Variants in ZFP62 observed in about 807,000 individuals in gnomAD.
The protein encoded by ZFP62 is zinc finger protein 62 homolog.
A neutral mutation model predicts 56.4 loss-of-function variants in ZFP62; 44 were observed. The observed-to-expected ratio is 0.78, with a 90% confidence interval of 0.61 to 1.00. The LOEUF (loss-of-function observed/expected upper bound fraction) is 1.00, where lower values mean the gene tolerates loss of function less well. ZFP62 is among the 50% of genes least tolerant of loss of function. The pLI is 0.00. For synonymous variants in ZFP62, 421 were observed against 388.9 expected, an observed-to-expected ratio of 1.08 and a Z score of -0.97; for missense variants, 1,030 against 1,085.7, an observed-to-expected ratio of 0.95 and a Z score of 0.72.
rs998344359 is a variant in ZFP62 at position 180,850,799 on chromosome 5, T to C, written c.696A>G (p.Lys232=). The change falls in exon 2 of 2, where the codon AAA becomes AAG. Residue 232 remains lysine (K), a synonymous_variant. Transcript: ENST00000502412. ...CCAGAACAGAGCTATAATTGAAGGA[T>C]TTTCCACATTCATCACATTTACAGT... is the stretch of plus-strand genomic sequence containing the variant. ...EKNCKCDECG[K]SFNYSSVLDQ... is the part of the protein sequence containing the mutation. 4.6e-5 allele frequency: 72 copies of C among 1,580,060 alleles called. No homozygotes were observed. The Middle Eastern group carries it at 5.0e-4, about 11-fold the overall frequency.
At position 180,852,092 on chromosome 5, in the gene ZFP62, T is replaced by C. The variant is rs570095660; in HGVS notation, c.2-599A>G. The C allele has an allele frequency of 5.3e-5, 48 of 901,790 alleles. No homozygotes were observed. The African/African-American group carries it at 8.3e-4, about 16-fold the overall frequency. 55.9% of individuals were successfully genotyped at this position (901,790 alleles called of 1,614,324 possible). ...ATTAAAATATATTATTAAACGTCTA[T>C]AATTAAAATAGTATGGTCCTGGTAC... On this transcript the variant is annotated intron_variant, in intron 1 of 1. Transcript: ENST00000502412.
chr5:180,850,720 C>T lies in ZFP62; in HGVS notation c.775G>A (p.Gly259Arg), dbSNP rs1198082658. Residue 259 changes from glycine (G) to arginine (R), a missense_variant, in exon 2 of 2, where the codon GGG (glycine) becomes AGG (arginine). Coordinates refer to ENST00000502412, the MANE Select transcript of ZFP62 (RefSeq NM_001172638.2). ...GEKPYECGEC[G>R]KAFRNSSGLR... The stretch of plus-strand genomic sequence containing the variant: ...CCAGAGCTGTTCCTGAAGGCCTTCC[C>T]ACACTCACCACATTCATAGGGCTTC... 1 of 1,606,818 alleles carries T rather than the reference C, an allele frequency of 6.2e-7. No homozygotes were observed. Among genetic ancestry groups the T allele is most frequent in the Admixed American group, 1.7e-5 (1 of 58,630 alleles).
At chr5:180,852,132 G>T in intron 1 of ZFP62, 3 of 549,508 alleles carry the variant, frequency 5.5e-6, no homozygotes, top group Non-Finnish European at 6.9e-6. Flanking sequence ...ACAGGCAAAT[G>T]GAATAGAACA....
chr5:180,851,185 G>A lies in ZFP62; in HGVS notation c.310C>T (p.Gln104Ter). 6.4e-7 allele frequency: 1 copy of A among 1,551,672 alleles called. No individual in the cohort carries two copies. The highest frequency in any genetic ancestry group is 8.7e-7 in the Non-Finnish European group (1 of 1,146,984). The change falls in exon 2 of 2, where the codon CAG becomes TAG. Residue 104 changes from glutamine (Q) to a stop codon, truncating the protein, a stop_gained. Transcript: ENST00000502412. LOFTEE classifies it high-confidence loss of function. ...LHLSPQHITH[Q>*]TMPIGQRGSE... ...CCTCTCTGTCCTATAGGCATAGTCT[G>A]GTGTGTGATATGCTGTGGGCTCAGA...
In ZFP62 at chr5:180,847,746, G is replaced by C. The variant is rs963723140; in HGVS notation, c.*1046C>G. 2.0e-6 allele frequency: 2 copies of C among 985,316 alleles called. No individual in the cohort carries two copies. The highest frequency in any genetic ancestry group is 3.5e-5 in the African/African-American group (2 of 57,246). The allele number at this position is 985,316 out of a possible 1,614,324, so 61.0% of individuals were successfully genotyped here. On this transcript the variant is annotated 3_prime_UTR_variant, in exon 2 of 2. Coordinates refer to ENST00000502412, the MANE Select transcript of ZFP62 (RefSeq NM_001172638.2). ...ACAACAGACAACATATACATGTCCTGCATGACATCTTTACAATAACACATT... is the reference window on the plus strand; with the variant it reads ...ACAACAGACAACATATACATGTCCTCCATGACATCTTTACAATAACACATT...
At chr5:180,842,029 A>C in the ZFP62 span, among the ~76,000 whole-genome samples, 3 of 152,370 alleles carry the variant, frequency 2.0e-5, no homozygotes, top group East Asian at 5.8e-4. Flanking sequence ...CTTGGGCGAC[A>C]GAGTGATACT....
downstream of ZFP62, among the ~76,000 whole-genome samples, chr5:180,845,023 T>C (rs975900609): frequency 2.6e-5 from 4 of 152,128 alleles, no homozygotes; most frequent in African/African-American, 9.7e-5. Context: ...CTATTATCTT[T>C]ACAAAAGACA....
At chr5:180,837,298 A>G in the ZFP62 span, among the ~76,000 whole-genome samples, 1 of 152,178 alleles carries the variant, frequency 6.6e-6, no homozygotes, top group African/African-American at 2.4e-5. Context: ...TGGCTTATTC[A>G]CTGCGTGTGA....
chr5:180,841,903 T>G, the ZFP62 span, among the ~76,000 whole-genome samples: 1 of 151,988 alleles, frequency 6.6e-6, no homozygotes, highest in Non-Finnish European at 1.5e-5. Context: ...AATACAAAAA[T>G]TAGCCAGGCA....
intron 1 of ZFP62, among the ~76,000 whole-genome samples, chr5:180,854,687 A>G (rs1773881561): frequency 6.6e-6 from 1 of 152,198 alleles, no homozygotes; most frequent in South Asian, 2.1e-4. Context: ...TAGTAGGGAG[A>G]AGGACACATC....
the ZFP62 span, among the ~76,000 whole-genome samples, chr5:180,839,331 T>C: frequency 2.0e-5 from 3 of 152,326 alleles, no homozygotes; most frequent in Admixed American, 6.5e-5. Flanking sequence ...TGACAGCCTG[T>C]TTGTATGAAT....
the ZFP62 span, chr5:180,832,642 C>G: frequency 6.6e-6 from 1 of 152,170 alleles, no homozygotes; most frequent in South Asian, 2.1e-4. Context: ...CACTTTCTAT[C>G]TTGTGCACTG....
chr5:180,850,294 C>T lies in ZFP62; in HGVS notation c.1201G>A (p.Ala401Thr). ...KPYKCDVCGK[A>T]FSYSSGLAVH... is the part of the protein sequence containing the mutation. ...GCGAGGCCTGAGCTATAGCTGAATG[C>T]TTTGCCACAGACATCACACTTGTAA... The change falls in exon 2 of 2, where the codon GCA becomes ACA. Residue 401 changes from alanine to threonine, a missense_variant. By Grantham distance (58) the Ala-to-Thr change is moderately conservative. Transcript: ENST00000502412. The T allele has an allele frequency of 6.4e-7, 1 of 1,562,112 alleles. No homozygotes were observed. The highest frequency in any genetic ancestry group is 8.7e-7 in the Non-Finnish European group (1 of 1,153,246).
the ZFP62 span, among the ~76,000 whole-genome samples, chr5:180,827,379 G>A: frequency 1.3e-5 from 2 of 152,208 alleles, no homozygotes; most frequent in Admixed American, 1.3e-4. Flanking sequence ...TTGAGATTCT[G>A]TTAATCTGTG....
intron 1 of ZFP62, among the ~76,000 whole-genome samples, chr5:180,855,273 A>C (rs144057417): frequency 0.016 from 2,380 of 152,298 alleles, 79 homozygotes; most frequent in East Asian, 0.14. Context: ...TTACCAAACA[A>C]AAAGTTTTTA....
the ZFP62 span, among the ~76,000 whole-genome samples, chr5:180,836,209 TAA>T: frequency 6.6e-6 from 1 of 152,254 alleles, no homozygotes; most frequent in Admixed American, 6.5e-5. Context: ...GTATCCACGT[TAA>T]GTGACCCATG....
At position 180,847,772 on chromosome 5, in the gene ZFP62, C is replaced by G. The variant is rs1773464059; in HGVS notation, c.*1020G>C. 2 of 985,308 alleles carry G rather than the reference C, an allele frequency of 2.0e-6. No individual in the cohort carries two copies. The highest frequency in any genetic ancestry group is 6.1e-5 in the Admixed American group (1 of 16,264). The allele number at this position is 985,308 out of a possible 1,614,324, so 61.0% of individuals were successfully genotyped here. The stretch of plus-strand genomic sequence containing the variant: ...CATGACATCTTTACAATAACACATT[C>G]CAAAAACAATCAAACATTTAACAGG... On this transcript the variant is annotated 3_prime_UTR_variant, in exon 2 of 2. Transcript: ENST00000502412.
At position 180,850,040 on chromosome 5, in the gene ZFP62, G is replaced by A. The variant is rs1484653477; in HGVS notation, c.1455C>T (p.Ala485=). 3 of 1,551,718 alleles carry A rather than the reference G, an allele frequency of 1.9e-6. No individual in the cohort carries two copies. Among genetic ancestry groups the A allele is most frequent in the Admixed American group, 2.0e-5 (1 of 50,998 alleles). The part of the protein sequence containing the change: ...KPYKCDVCGK[A]YISRSSLKNH... ...TTTTAAGGCTAGAGCGTGAGATATA[G>A]GCTTTCCCACACACATCACACTTAT... The change falls in exon 2 of 2, where the codon GCC becomes GCT. Residue 485 remains alanine (A), a synonymous_variant. Coordinates refer to ENST00000502412, the MANE Select transcript of ZFP62 (RefSeq NM_001172638.2).
downstream of ZFP62, chr5:180,845,934 C>T (rs1233728765): frequency 3.4e-6 from 3 of 881,106 alleles, no homozygotes; most frequent in Non-Finnish European, 4.1e-6. Flanking sequence ...CTAATAGAGA[C>T]ATGCACTCCT....
Sources: allele counts gnomAD v4.1 joint callset (sites outside exome capture counted in the v4.1 genomes callset), GRCh38; gene constraint gnomAD v4.1.1; transcripts MANE v1.5; gene names NCBI Gene and HGNC (gene_info 2026-07-23, HGNC 2026-07-21).